HNRNPUL1: variants seen among roughly 807,000 people sequenced by gnomAD.
The protein encoded by HNRNPUL1 is heterogeneous nuclear ribonucleoprotein U-like protein 1.
HNRNPUL1 carries 14 observed loss-of-function variants against 108.5 expected under a neutral mutation model. The observed-to-expected ratio is 0.13, with a 90% CI of 0.09 to 0.20. The LOEUF is 0.20. Among genes scored for constraint, HNRNPUL1 ranks in the 10% least tolerant of loss-of-function variants. The probability of loss-of-function intolerance (pLI) is 1.00; values close to 1 mark genes in which losing one functional copy is unlikely to be tolerated. For synonymous variants in HNRNPUL1, 422 were observed against 445.2 expected, an observed-to-expected ratio of 0.95 and a Z score of 0.66; for missense variants, 804 against 1,168.3, an observed-to-expected ratio of 0.69 and a Z score of 4.55.
chr19:41,298,603 G>A (rs1202049346), intron 10 of HNRNPUL1: 3 of 150,582 alleles, frequency 2.0e-5, no homozygotes, highest in East Asian at 1.9e-4. Flanking sequence ...TTCCCCAAAC[G>A]AAGGAGTAAG....
Position 41,306,470 on chromosome 19 carries a change from T to A in HNRNPUL1, c.2476T>A (p.Tyr826Asn). ...YQQYAQQWNQ[Y>N]YQNQGQWPPY... ...CCAGTATGCCCAGCAGTGGAACCAG[T>A]ACTATCAGAACCAGGGCCAGTGGCC... The change falls in exon 15 of 15, where the codon TAC becomes AAC. Residue 826 changes from tyrosine (Y) to asparagine (N), a missense_variant. Coordinates refer to ENST00000392006, the MANE Select transcript of HNRNPUL1 (RefSeq NM_007040.6). 1 of 1,597,400 alleles carries A rather than the reference T, an allele frequency of 6.3e-7. No individual in the cohort carries two copies. The highest frequency in any genetic ancestry group is 8.5e-7 in the Non-Finnish European group (1 of 1,173,488).
At chr19:41,304,334 G>A (rs1294041279) in intron 13 of HNRNPUL1, 73 bp downstream of exon 13, 1 of 1,528,138 alleles carries the variant, frequency 6.5e-7, no homozygotes, top group African/African-American at 1.4e-5. Flanking sequence ...TTAGGTGGAG[G>A]CGGATCTGGG....
At chr19:41,300,314 A>G (rs1049350652) in intron 10 of HNRNPUL1, among the ~76,000 whole-genome samples, 15 of 147,026 alleles carry the variant, frequency 1.0e-4, no homozygotes, top group Non-Finnish European at 2.1e-4. Flanking sequence ...CCACATCTTC[A>G]GAATACATTT....
At position 41,264,638 on chromosome 19, in the gene HNRNPUL1, G is replaced by A. The variant is rs373007462; in HGVS notation, c.135G>A (p.Glu45=). 2.5e-6 allele frequency: 4 copies of A among 1,585,314 alleles called. No homozygotes were observed. The African/African-American group carries it at 4.1e-5, about 16-fold the overall frequency. Residue 45 remains glutamate (E), a synonymous_variant, in exon 1 of 15, where the codon GAG becomes GAA. Transcript: ENST00000392006. ...AALEAEEPDD[E]RELDADDEPG... is the part of the protein sequence containing the mutation. ...TGGAGGCCGAGGAGCCTGACGACGA[G>A]CGGGAGCTCGACGCCGACGACGAAC...
At chr19:41,286,162 C>T (rs923011038) in intron 7 of HNRNPUL1, among the ~76,000 whole-genome samples, 1 of 149,902 alleles carries the variant, frequency 6.7e-6, no homozygotes, top group South Asian at 2.1e-4. Context: ...TTTATGCACT[C>T]ATATGACATA....
chr19:41,271,104 T>C (rs2035209277), intron 2 of HNRNPUL1, among the ~76,000 whole-genome samples: 1 of 152,224 alleles, frequency 6.6e-6, no homozygotes, highest in Non-Finnish European at 1.5e-5. Flanking sequence ...TTTACTGTGT[T>C]GTGGCCTCCC....
At chr19:41,276,328 C>CA in intron 5 of HNRNPUL1, 30 bp downstream of exon 5, 1 of 1,574,846 alleles carries the variant, frequency 6.3e-7, no homozygotes, top group Non-Finnish European at 8.6e-7. Context: ...GGGGAAGGGA[C>CA]AGAGAAGTCC....
At position 41,301,643 on chromosome 19, in the gene HNRNPUL1, A is replaced by C. The variant is rs774157966; in HGVS notation, c.1626A>C (p.Thr542=). 4 of 1,614,024 alleles carry C rather than the reference A, an allele frequency of 2.5e-6. No individual in the cohort carries two copies. Among genetic ancestry groups the C allele is most frequent in the Non-Finnish European group, 2.5e-6 (3 of 1,180,014 alleles). Residue 542 remains threonine, a synonymous_variant, in exon 11 of 15, where the codon ACA becomes ACC. Coordinates refer to ENST00000392006, the MANE Select transcript of HNRNPUL1 (RefSeq NM_007040.6). The stretch of plus-strand genomic sequence containing the variant: ...CTGACGAGGACCTAAAAGACCGAAC[A>C]ATAAAGCGAACCGACGAGGAAGGGA... The part of the protein sequence containing the change: ...CPTDEDLKDR[T]IKRTDEEGKD...
rs935131501 is a variant in HNRNPUL1 at position 41,264,386 on chromosome 19, C to A, written c.-118C>A. 3.3e-5 allele frequency: 29 copies of A among 867,030 alleles called. No homozygotes were observed. The highest frequency in any genetic ancestry group is 4.3e-5 in the Non-Finnish European group (28 of 644,622). 53.7% of individuals were successfully genotyped at this position (867,030 alleles called of 1,614,324 possible). On this transcript the variant is annotated 5_prime_UTR_variant, in exon 1 of 15. Transcript: ENST00000392006. ...TGGCGGCGGCCATTTTGAGCCGCTG[C>A]CGCCATTGGAGTGGGCCCCCCCCCT...
intron 3 of HNRNPUL1, 158 bp downstream of exon 3, chr19:41,272,393 C>G: frequency 1.3e-6 from 1 of 759,126 alleles, no homozygotes; most frequent in Non-Finnish European, 2.1e-6. Context: ...CTACCAGATT[C>G]AGCTTTCCTA....
chr19:41,285,251 T>G (rs933346188), intron 7 of HNRNPUL1, among the ~76,000 whole-genome samples: 1 of 152,140 alleles, frequency 6.6e-6, no homozygotes, highest in African/African-American at 2.4e-5. Context: ...AGAAGGGATA[T>G]CTGCCTGAAC....
At chr19:41,299,240 T>C (rs1253592691) in intron 10 of HNRNPUL1, among the ~76,000 whole-genome samples, 4 of 152,106 alleles carry the variant, frequency 2.6e-5, no homozygotes, top group Non-Finnish European at 5.9e-5. Flanking sequence ...ACTGCCCACA[T>C]CCTCCTTCGT....
intron 7 of HNRNPUL1, among the ~76,000 whole-genome samples, chr19:41,290,048 T>C (rs1485787542): frequency 1.3e-5 from 2 of 152,066 alleles, no homozygotes; most frequent in Admixed American, 1.3e-4. Context: ...TGCTTAGAGA[T>C]GAACAGGCAT....
At chr19:41,272,376 G>T in intron 3 of HNRNPUL1, 141 bp downstream of exon 3, 2 of 856,322 alleles carry the variant, frequency 2.3e-6, no homozygotes, top group Non-Finnish European at 1.8e-6. Flanking sequence ...GTCCCTTCCC[G>T]TACTTGCTAC....
chr19:41,289,637 G>A (rs2036462437), intron 7 of HNRNPUL1, among the ~76,000 whole-genome samples: 1 of 151,994 alleles, frequency 6.6e-6, no homozygotes, highest in African/African-American at 2.4e-5. Context: ...TGTGCATTAT[G>A]GGAAGTTCCT....
Position 41,294,275 on chromosome 19 carries a change from A to C in HNRNPUL1, c.1267-63A>C. The C allele has an allele frequency of 6.3e-7, 1 of 1,592,906 alleles. No homozygotes were observed. The highest frequency in any genetic ancestry group is 1.1e-5 in the South Asian group (1 of 88,362). On this transcript the variant is annotated intron_variant, in intron 8 of 14. Coordinates refer to ENST00000392006, the MANE Select transcript of HNRNPUL1 (RefSeq NM_007040.6). The surrounding 1 kb of genome is among the most constrained non-coding windows in gnomAD (Gnocchi z 4.3). ...GAGGTCCAGAGTCACACTCACAGTC[A>C]CCACCGAGCCAAGTGGTGCCATACC...
chr19:41,284,419 A>G (rs1400900750), intron 7 of HNRNPUL1, among the ~76,000 whole-genome samples: 1 of 152,238 alleles, frequency 6.6e-6, no homozygotes, highest in Non-Finnish European at 1.5e-5. Context: ...TAGTCTCAGC[A>G]CTTTGGGAGG....
At chr19:41,295,919 T>C (rs2036865790) in intron 10 of HNRNPUL1, among the ~76,000 whole-genome samples, 1 of 152,248 alleles carries the variant, frequency 6.6e-6, no homozygotes, top group African/African-American at 2.4e-5. Flanking sequence ...CAGCTCATAT[T>C]GTGTACAATC....
chr19:41,304,113 AGCCACCACCCCAGCAGCCACC>A lies in HNRNPUL1; in HGVS notation c.2125_2145del (p.Gln709_Pro715del). ...CCACCACAGCAGCCTCCGCCACCAC[AGCCACCACCCCAGCAGCCACC>A]GCCACCACCCAGCTACAGCCCTGCT... On this transcript the variant is annotated inframe_deletion, in exon 13 of 15. Transcript: ENST00000392006. 1.9e-6 allele frequency: 3 copies of A among 1,613,282 alleles called. No homozygotes were observed. Among genetic ancestry groups the A allele is most frequent in the East Asian group, 2.2e-5 (1 of 44,850 alleles).
Sources: gnomAD v4.1 joint callset for allele counts (sites outside exome capture counted in the v4.1 genomes callset) on GRCh38, gnomAD v4.1.1 for gene constraint, Gnocchi (gnomAD v3.1) non-coding constraint, MANE v1.5 for transcripts, NCBI Gene and HGNC (gene_info 2026-07-23, HGNC 2026-07-21) for gene names.